CARMIL1: variants seen among roughly 807,000 people sequenced by gnomAD.
CARMIL1 encodes the protein capping protein regulator and myosin 1 linker 1, also known as F-actin-uncapping protein LRRC16A.
Under a neutral mutation model 177.1 loss-of-function variants are expected in CARMIL1, and 90 were observed. The ratio of observed to expected loss-of-function variants is 0.51; its 90% CI spans 0.43 to 0.61. The LOEUF (loss-of-function observed/expected upper bound fraction) is 0.61. Among genes scored for constraint, CARMIL1 ranks in the 20% least tolerant of loss-of-function variants. The pLI, the probability that CARMIL1 is intolerant of heterozygous loss-of-function variation, is 0.00. For missense variants in CARMIL1, 1,380 were observed against 1,667.0 expected (o/e 0.83, Z 3.00); for synonymous variants, 577 against 606.2 (o/e 0.95, Z 0.71).
At chr6:25,480,983 G>A (rs573370135) in intron 11 of CARMIL1, among the ~76,000 whole-genome samples, 1 of 151,872 alleles carries the variant, frequency 6.6e-6, no homozygotes, top group Non-Finnish European at 1.5e-5. Flanking sequence ...GCCTCCCAAA[G>A]TGCTGGTCCA....
Position 25,610,131 on chromosome 6 carries a change from G to T in CARMIL1, c.3929G>T (p.Arg1310Ile). Residue 1310 changes from arginine to isoleucine, a missense_variant, in exon 36 of 37, where the codon AGA becomes ATA. Transcript: ENST00000329474. ...AAAAAAGTTCCTTCAGACAAAGAGAGAGATGGCCAGAGTAGCCCCCAGCCC... is the reference window on the plus strand; with the variant it reads ...AAAAAAGTTCCTTCAGACAAAGAGATAGATGGCCAGAGTAGCCCCCAGCCC... ...VLKKVPSDKE[R>I]DGQSSPQPSP... is the part of the protein sequence containing the mutation. The T allele has an allele frequency of 6.2e-7, 1 of 1,613,930 alleles. No homozygotes were observed. The highest frequency in any genetic ancestry group is 1.6e-4 in the Middle Eastern group (1 of 6,062).
chr6:25,415,302 A>G (rs1377212155), intron 2 of CARMIL1, among the ~76,000 whole-genome samples: 1 of 152,102 alleles, frequency 6.6e-6, no homozygotes, highest in Non-Finnish European at 1.5e-5. Flanking sequence ...AGTTGGGACT[A>G]CAGGTATGAG....
At position 25,306,694 on chromosome 6, in the gene CARMIL1, A is replaced by G. The variant is rs75270254; in HGVS notation, c.138+21785A>G. On this transcript the variant is annotated intron_variant, in intron 2 of 36. Transcript: ENST00000329474. ...TTTTTAAAAAAGTCATTCATACTTC[A>G]ATGGACCTTTGAATTGTTTTTATTT... 8.2e-3 allele frequency among the ~76,000 whole-genome samples: 1,250 copies of G among 152,290 alleles called. 5 individuals are homozygous for G. Among genetic ancestry groups the G allele is most frequent in the Non-Finnish European group, 0.012 (807 of 68,030 alleles).
intron 2 of CARMIL1, among the ~76,000 whole-genome samples, chr6:25,332,224 G>C (rs928079168): frequency 6.6e-6 from 1 of 152,180 alleles, no homozygotes; most frequent in Non-Finnish European, 1.5e-5. Flanking sequence ...TGATGAACTG[G>C]AAATCTGCTG....
In CARMIL1 at chr6:25,472,773, A is replaced by G. The variant is rs1288673146; in HGVS notation, c.874+252A>G. 17 of 456,178 alleles carry G rather than the reference A, an allele frequency of 3.7e-5. No individual in the cohort carries two copies. The Admixed American group carries it at 6.4e-4, about 17-fold the overall frequency. 28.3% of individuals were successfully genotyped at this position (456,178 alleles called of 1,614,324 possible). A position where few individuals can be genotyped will look rare whatever the true frequency, so the allele number is the denominator to read the frequency against. On this transcript the variant is annotated intron_variant, in intron 11 of 36. Transcript: ENST00000329474. ...ATTTTTAATATGTTTTATTAGTTACATAGTCCTGCATAACAAATTACCACA... is the reference window on the plus strand; with the variant it reads ...ATTTTTAATATGTTTTATTAGTTACGTAGTCCTGCATAACAAATTACCACA...
At chr6:25,341,396 C>T (rs1387684397) in intron 2 of CARMIL1, among the ~76,000 whole-genome samples, 3 of 152,200 alleles carry the variant, frequency 2.0e-5, no homozygotes, top group East Asian at 3.9e-4. Flanking sequence ...AGCCTTTTAA[C>T]TCCTGTTGTC....
rs73387235 is a variant in CARMIL1, at chr6:25,409,643, A to T, written c.139-10471A>T. On this transcript the variant is annotated intron_variant, in intron 2 of 36. Coordinates refer to ENST00000329474, the MANE Select transcript of CARMIL1 (RefSeq NM_017640.6). The stretch of plus-strand genomic sequence containing the variant: ...CGCTTACAGGTGCATATGGTACCGT[A>T]TGCTAGTATTTATCAAACTTTCAAA... Among the ~76,000 whole-genome samples, 318 of 152,296 alleles carry T rather than the reference A, an allele frequency of 2.1e-3. 2 individuals are homozygous for T. The highest frequency in any genetic ancestry group is 7.2e-3 in the African/African-American group (300 of 41,568).
chr6:25,288,954 C>T (rs192555280), intron 2 of CARMIL1, among the ~76,000 whole-genome samples: 17 of 152,308 alleles, frequency 1.1e-4, no homozygotes, highest in Admixed American at 3.9e-4. Context: ...GCCATTAATA[C>T]AGCCCTGTGC....
intron 31 of CARMIL1, among the ~76,000 whole-genome samples, chr6:25,593,821 A>T (rs890667036): frequency 6.6e-6 from 1 of 152,090 alleles, no homozygotes; most frequent in African/African-American, 2.4e-5. Flanking sequence ...GTCCCCTTAT[A>T]TCTCACACAC....
At chr6:25,416,999 G>C (rs983079532) in intron 2 of CARMIL1, among the ~76,000 whole-genome samples, 5 of 152,142 alleles carry the variant, frequency 3.3e-5, no homozygotes, top group Non-Finnish European at 7.4e-5. Flanking sequence ...GGGAGAAATG[G>C]TGAGAATAGG....
At chr6:25,583,364 A>G (rs564610388) in intron 31 of CARMIL1, among the ~76,000 whole-genome samples, 1 of 152,186 alleles carries the variant, frequency 6.6e-6, no homozygotes, top group South Asian at 2.1e-4. Context: ...CACCTCCTCC[A>G]GTGCCTGATG....
At chr6:25,301,366 G>A (rs952059866) in intron 2 of CARMIL1, among the ~76,000 whole-genome samples, 1 of 152,182 alleles carries the variant, frequency 6.6e-6, no homozygotes, top group African/African-American at 2.4e-5. Context: ...TGGAAAGGGT[G>A]ACTTTTAGAA....
In CARMIL1 at chr6:25,472,449, A is replaced by C. The variant is rs1165223382; in HGVS notation, c.802A>C (p.Ser268Arg). The C allele has an allele frequency of 2.5e-6, 4 of 1,579,340 alleles. No homozygotes were observed. In the South Asian group the frequency reaches 3.5e-5, roughly 14 times the overall value. ...CAGAGATTTTGCACAAAAACTGGCC[A>C]GTGCTCTAGCACATAATCCCAACTC... ...LRTDFAQKLA[S>R]ALAHNPNSGL... The change falls in exon 11 of 37, where the codon AGT becomes CGT. Residue 268 changes from serine to arginine, a missense_variant. By Grantham distance (110) the Ser-to-Arg change is moderately radical. Coordinates refer to ENST00000329474, the MANE Select transcript of CARMIL1 (RefSeq NM_017640.6).
intron 13 of CARMIL1, among the ~76,000 whole-genome samples, chr6:25,491,199 T>C (rs565890158): frequency 3.3e-5 from 5 of 152,190 alleles, no homozygotes; most frequent in Non-Finnish European, 7.3e-5. Context: ...ATTAGTGAAA[T>C]TTTTAAAAAA....
chr6:25,361,023 T>C (rs1054371426), intron 2 of CARMIL1, among the ~76,000 whole-genome samples: 1 of 152,190 alleles, frequency 6.6e-6, no homozygotes, highest in Admixed American at 6.5e-5. Context: ...GGGGGTGTGC[T>C]TGGTGAGTAT....
In CARMIL1 at chr6:25,449,945, G is replaced by T; in HGVS notation, c.419G>T (p.Ser140Ile). 6.2e-7 allele frequency: 1 copy of T among 1,612,166 alleles called. No homozygotes were observed. The highest frequency in any genetic ancestry group is 1.1e-5 in the South Asian group (1 of 90,888). Residue 140 changes from serine (S) to isoleucine (I), a missense_variant, in exon 6 of 37, where the codon AGT becomes ATT. Physicochemically the swap from Ser to Ile is moderately radical, Grantham distance 142 (BLOSUM62 -2). Transcript: ENST00000329474. Reference protein sequence around the residue: ...VSMEPSERLASLQALWDSQTV... With the variant: ...VSMEPSERLAILQALWDSQTV... ...ATGGAGCCATCTGAGCGCCTGGCTA[G>T]TCTCCAGGCGCTGTGGGACAGCCAG...
At chr6:25,611,839 T>A (rs1007217041) in intron 36 of CARMIL1, among the ~76,000 whole-genome samples, 3 of 152,210 alleles carry the variant, frequency 2.0e-5, no homozygotes, top group Non-Finnish European at 4.4e-5. Flanking sequence ...CCTCTCTGGT[T>A]AGCAAAGTCG....
intron 32 of CARMIL1, among the ~76,000 whole-genome samples, chr6:25,594,845 A>C (rs983290298): frequency 3.3e-5 from 5 of 152,220 alleles, no homozygotes; most frequent in African/African-American, 1.2e-4. Flanking sequence ...AATCTAAACC[A>C]GACCACAAAA....
intron 2 of CARMIL1, among the ~76,000 whole-genome samples, chr6:25,337,640 C>T (rs892606799): frequency 1.3e-5 from 2 of 152,072 alleles, no homozygotes; most frequent in South Asian, 2.1e-4. Flanking sequence ...GTGTGAAGGG[C>T]GATTGTGATG....
Sources: gnomAD v4.1 joint callset for allele counts (sites outside exome capture counted in the v4.1 genomes callset) on GRCh38, gnomAD v4.1.1 for gene constraint, MANE v1.5 for transcripts, NCBI Gene and HGNC (gene_info 2026-07-23, HGNC 2026-07-21) for gene names.